The following HBS1L variants were observed in gnomAD, a reference collection of about 807,000 sequenced individuals.
The protein encoded by HBS1L is HBS1 like translational GTPase, also known as HBS1-like protein.
HBS1L carries 55 observed loss-of-function variants against 88.9 expected under a neutral mutation model. That is an observed-to-expected ratio of 0.62 (90% CI 0.50 to 0.77). The LOEUF (loss-of-function observed/expected upper bound fraction) is 0.77. Ranked by LOEUF, HBS1L falls within the 30% of genes least tolerant of loss-of-function variation. The pLI, the probability that HBS1L is intolerant of heterozygous loss-of-function variation, is 0.00. For missense variants in HBS1L, 741 were observed against 829.3 expected (o/e 0.89, Z 1.31); for synonymous variants, 267 against 288.5 (o/e 0.93, Z 0.76).
chr6:134,964,118 C>T lies in HBS1L; in HGVS notation c.*1161G>A, dbSNP rs990314471. On this transcript the variant is annotated 3_prime_UTR_variant, in exon 18 of 18. Transcript: ENST00000367837. ...GCTTATGTTCAAAATGTCAGGTTCACGAAAAGGTGCAGGGAGAAGAAATGC... is the reference window on the plus strand; with the variant it reads ...GCTTATGTTCAAAATGTCAGGTTCATGAAAAGGTGCAGGGAGAAGAAATGC... 2.6e-5 allele frequency: 4 copies of T among 151,762 alleles called. No individual in the cohort carries two copies. Among genetic ancestry groups the T allele is most frequent in the East Asian group, 3.9e-4 (2 of 5,180 alleles). 9.4% of individuals were successfully genotyped at this position (151,762 alleles called of 1,614,324 possible).
intron 4 of HBS1L, among the ~76,000 whole-genome samples, chr6:135,007,821 T>C (rs1188680280): frequency 6.6e-6 from 1 of 152,150 alleles, no homozygotes. Flanking sequence ...TCCCAAGAAA[T>C]TGAACACTAA....
At position 134,963,386 on chromosome 6, in the gene HBS1L, T is replaced by A. The variant is rs1222566845; in HGVS notation, c.*1893A>T. 1 of 152,216 alleles carries A rather than the reference T, an allele frequency of 6.6e-6. No individual in the cohort carries two copies. The highest frequency in any genetic ancestry group is 1.5e-5 in the Non-Finnish European group (1 of 68,084). 9.4% of individuals were successfully genotyped at this position (152,216 alleles called of 1,614,324 possible). A position where few individuals can be genotyped will look rare whatever the true frequency, so the allele number is the denominator to read the frequency against. On this transcript the variant is annotated 3_prime_UTR_variant, in exon 18 of 18. Transcript: ENST00000367837. Reference sequence around the variant, plus strand: ...AGGATGTAAGTGTGGAATTATCACATCTTGTCAAGAACCTGGCATTACAGA... The same window carrying A: ...AGGATGTAAGTGTGGAATTATCACAACTTGTCAAGAACCTGGCATTACAGA...
At chr6:135,041,961 A>G (rs1433595987) in intron 3 of HBS1L, 40 bp downstream of exon 3, 1 of 1,588,320 alleles carries the variant, frequency 6.3e-7, no homozygotes, top group Non-Finnish European at 8.6e-7. Flanking sequence ...TTTGGTCATT[A>G]ATCACTTTCA....
chr6:135,054,722 T>C lies in HBS1L; in HGVS notation c.-31A>G. On this transcript the variant is annotated 5_prime_UTR_variant, in exon 1 of 18. Coordinates refer to ENST00000367837, the MANE Select transcript of HBS1L (RefSeq NM_006620.4). ...CGGAGAGGGCGTTTGCCACAGCCCCTTAACTCCTTCCAAAACACTCCGCTT... is the reference window on the plus strand; with the variant it reads ...CGGAGAGGGCGTTTGCCACAGCCCCCTAACTCCTTCCAAAACACTCCGCTT... 6.2e-7 allele frequency: 1 copy of C among 1,613,872 alleles called. No individual in the cohort carries two copies. Among genetic ancestry groups the C allele is most frequent in the Non-Finnish European group, 8.5e-7 (1 of 1,179,864 alleles).
intron 15 of HBS1L, among the ~76,000 whole-genome samples, chr6:134,976,596 T>C (rs1774654677): frequency 6.6e-6 from 1 of 152,094 alleles, no homozygotes; most frequent in Non-Finnish European, 1.5e-5. Flanking sequence ...ATAGTGTGTT[T>C]TGCAGCAACT....
intron 10 of HBS1L, 42 bp downstream of exon 10, chr6:134,986,694 A>G: frequency 1.9e-6 from 2 of 1,048,250 alleles, no homozygotes. Flanking sequence ...CAGTAAGATG[A>G]CTTAAGGAAA....
At chr6:135,021,747 ACT>A (rs1328920386) in intron 4 of HBS1L, among the ~76,000 whole-genome samples, 2 of 152,232 alleles carry the variant, frequency 1.3e-5, no homozygotes, top group African/African-American at 4.8e-5. Context: ...GATTCAAAGA[ACT>A]CTGTTCAAAT....
At chr6:135,035,750 C>CAAAAAAAAAAAAAAAAAAA (rs34517904) in intron 4 of HBS1L, 1 of 71,084 alleles carries the variant, frequency 1.4e-5, no homozygotes, top group Non-Finnish European at 2.2e-5. Context: ...GACTCTGTCT[C>CAAAAAAAAAAAAAAAAAAA]AAAAAAAAAA....
intron 5 of HBS1L, among the ~76,000 whole-genome samples, chr6:134,999,604 C>T (rs1429662866): frequency 6.6e-6 from 1 of 151,876 alleles, no homozygotes; most frequent in Non-Finnish European, 1.5e-5. Context: ...CTGGCCACTA[C>T]ACCCGGATAA....
chr6:134,986,211 T>C, intron 10 of HBS1L, 28 bp from the exon 11 acceptor site: 1 of 1,113,750 alleles, frequency 9.0e-7, no homozygotes, highest in Non-Finnish European at 1.4e-6. Flanking sequence ...TTATGAAACT[T>C]AATACAACAT....
At chr6:135,015,709 G>A (rs1775900980) in intron 4 of HBS1L, among the ~76,000 whole-genome samples, 1 of 151,328 alleles carries the variant, frequency 6.6e-6, no homozygotes, top group African/African-American at 2.4e-5. Context: ...AGCCTCCCCA[G>A]TAGCTGGGAC....
chr6:134,998,193 A>C (rs1459889416), intron 5 of HBS1L, among the ~76,000 whole-genome samples: 1 of 152,226 alleles, frequency 6.6e-6, no homozygotes, highest in East Asian at 1.9e-4. Flanking sequence ...CACTTGATTT[A>C]TTAAAAACTA....
intron 4 of HBS1L, among the ~76,000 whole-genome samples, chr6:135,008,594 T>C (rs181026343): frequency 6.6e-6 from 1 of 152,360 alleles, no homozygotes; most frequent in African/African-American, 2.4e-5. Context: ...GGTTTTCTCT[T>C]GAACATGAAA....
intron 12 of HBS1L, chr6:134,983,001 A>G (rs1774875925): frequency 1.3e-5 from 2 of 152,578 alleles, no homozygotes; most frequent in Non-Finnish European, 2.9e-5. Context: ...TGATGGTGAG[A>G]ATAGACATCT....
intron 4 of HBS1L, 48 bp from the exon 5 acceptor site, chr6:135,002,890 A>AGATTTCTTTATATTAC: frequency 9.1e-7 from 1 of 1,101,066 alleles, no homozygotes; most frequent in Non-Finnish European, 1.4e-6. Flanking sequence ...CTTTAGTAAT[A>AGATTTCTTTATATTAC]TAAAGAAATC....
At position 135,034,593 on chromosome 6, in the gene HBS1L, G is replaced by A. The variant is rs192490096; in HGVS notation, c.430+4980C>T. On this transcript the variant is annotated intron_variant, in intron 4 of 17. Transcript: ENST00000367837. Reference sequence around the variant, plus strand: ...CGAGAGGCGGAGGTTGCAGTGAGCCGAGATCATGCCACTGCACTCCAGCCT... The same window carrying A: ...CGAGAGGCGGAGGTTGCAGTGAGCCAAGATCATGCCACTGCACTCCAGCCT... Among the ~76,000 whole-genome samples, 139 of 152,290 alleles carry A rather than the reference G, an allele frequency of 9.1e-4. 1 individual carries two copies. Among genetic ancestry groups the A allele is most frequent in the African/African-American group, 3.2e-3 (135 of 41,552 alleles).
At chr6:135,026,387 T>C (rs1412991676) in intron 4 of HBS1L, among the ~76,000 whole-genome samples, 1 of 152,104 alleles carries the variant, frequency 6.6e-6, no homozygotes, top group Non-Finnish European at 1.5e-5. Context: ...TGTTATTACA[T>C]GATAAAAATA....
At chr6:134,998,537 T>C (rs984468375) in intron 5 of HBS1L, among the ~76,000 whole-genome samples, 2 of 152,216 alleles carry the variant, frequency 1.3e-5, no homozygotes, top group African/African-American at 4.8e-5. Context: ...TTGGAAGTTA[T>C]TAAGAATGAA....
chr6:134,977,127 T>C (rs141362233), intron 15 of HBS1L, among the ~76,000 whole-genome samples: 1 of 152,136 alleles, frequency 6.6e-6, no homozygotes, highest in African/African-American at 2.4e-5. Flanking sequence ...TGACAAAATA[T>C]GGCCATATTT....
Sources: allele counts gnomAD v4.1 joint callset (sites outside exome capture counted in the v4.1 genomes callset), GRCh38; gene constraint gnomAD v4.1.1; transcripts MANE v1.5; gene names NCBI Gene and HGNC (gene_info 2026-07-23, HGNC 2026-07-21).